Variants in CDH9 observed in about 807,000 individuals in gnomAD.
CDH9 encodes the protein cadherin-9.
Under a neutral mutation model 70.9 loss-of-function variants are expected in CDH9, and 28 were observed. The observed-to-expected ratio is 0.40, with a 90% CI of 0.29 to 0.54. The LOEUF is 0.54. Among genes scored for constraint, CDH9 ranks in the 20% least tolerant of loss-of-function variants. CDH9 has a pLI of 0.59. For synonymous variants in CDH9, 409 were observed against 343.1 expected (o/e 1.19, Z -2.12); for missense variants, 874 against 984.4 (o/e 0.89, Z 1.50).
At chr5:27,028,054 T>C (rs918470081) in intron 1 of CDH9, among the ~76,000 whole-genome samples, 2 of 152,006 alleles carry the variant, frequency 1.3e-5, no homozygotes, top group Non-Finnish European at 2.9e-5. Context: ...ACTTTGACAT[T>C]ATAGGGCAGT....
intron 1 of CDH9, among the ~76,000 whole-genome samples, chr5:27,017,031 GTTCTTTCTA>G (rs1246366905): frequency 6.6e-6 from 1 of 151,828 alleles, no homozygotes; most frequent in Non-Finnish European, 1.5e-5. Flanking sequence ...GCCCAAAACT[GTTCTTTCTA>G]TTCTTCTTTC....
intron 2 of CDH9, among the ~76,000 whole-genome samples, chr5:26,983,872 GC>G (rs932365001): frequency 8.6e-5 from 13 of 151,882 alleles, no homozygotes; most frequent in Non-Finnish European, 8.8e-5. Flanking sequence ...TACCTGAAAA[GC>G]TTAAGAAAAA....
chr5:27,019,669 C>T (rs1196555689), intron 1 of CDH9, among the ~76,000 whole-genome samples: 4 of 151,820 alleles, frequency 2.6e-5, no homozygotes, highest in Admixed American at 2.0e-4. Flanking sequence ...AGATAGTATT[C>T]AGCTCCCATT....
At chr5:26,965,357 C>A (rs1408073062) in intron 2 of CDH9, among the ~76,000 whole-genome samples, 2 of 151,990 alleles carry the variant, frequency 1.3e-5, no homozygotes, top group Non-Finnish European at 2.9e-5. Flanking sequence ...GGGCAGATTA[C>A]CTGAGGTCAG....
intron 2 of CDH9, among the ~76,000 whole-genome samples, chr5:26,972,469 GAGAAT>G (rs1378801668): frequency 4.6e-5 from 7 of 152,134 alleles, no homozygotes; most frequent in Admixed American, 3.3e-4. Context: ...ATCAAAATCT[GAGAAT>G]ACTCACGTTC....
chr5:26,928,759 T>C (rs923238219), intron 2 of CDH9, among the ~76,000 whole-genome samples: 3 of 151,862 alleles, frequency 2.0e-5, no homozygotes, highest in Admixed American at 6.6e-5. Flanking sequence ...GCCTTTTCAA[T>C]AAATAACGTT....
At chr5:26,917,505 C>T (rs1741169689) in intron 2 of CDH9, among the ~76,000 whole-genome samples, 1 of 151,914 alleles carries the variant, frequency 6.6e-6, no homozygotes, top group South Asian at 2.1e-4. Flanking sequence ...TACATCCTGC[C>T]CTCACCTATT....
chr5:27,029,472 G>A (rs1490067747), intron 1 of CDH9, among the ~76,000 whole-genome samples: 3 of 152,012 alleles, frequency 2.0e-5, no homozygotes, highest in Non-Finnish European at 4.4e-5. Context: ...CAGAGAGAGA[G>A]AAAGTTACAA....
At chr5:26,950,679 G>GA (rs1457563514) in intron 2 of CDH9, among the ~76,000 whole-genome samples, 14 of 152,032 alleles carry the variant, frequency 9.2e-5, no homozygotes, top group African/African-American at 3.4e-4. Context: ...AACATACATA[G>GA]AAAAAGAGAT....
chr5:26,890,484 G>C lies in CDH9; in HGVS notation c.1334C>G (p.Ala445Gly), dbSNP rs142357370. ...CCAAGGAGATGATTCCCGGTCAAGG[G>C]CTTTCAAAGTGAAAATAGAACCATT... is the stretch of plus-strand genomic sequence containing the variant. Reference protein sequence around the residue: ...SENGSIFTLKALDRESSPWHN... With the variant: ...SENGSIFTLKGLDRESSPWHN... The change falls in exon 8 of 12, where the codon GCC (alanine) becomes GGC (glycine). Residue 445 changes from alanine (A) to glycine (G), a missense_variant. Ala to Gly is a moderately conservative substitution (Grantham distance 60). Transcript: ENST00000231021. The C allele has an allele frequency of 2.2e-5, 36 of 1,612,308 alleles. No homozygotes were observed. The highest frequency in any genetic ancestry group is 2.6e-5 in the Non-Finnish European group (31 of 1,178,540).
intron 7 of CDH9, among the ~76,000 whole-genome samples, chr5:26,901,218 G>C: frequency 6.6e-6 from 1 of 151,846 alleles, no homozygotes; most frequent in East Asian, 1.9e-4. Flanking sequence ...TCAAAATGAT[G>C]TTAAACAATA....
rs1378858577 is a variant in CDH9, at chr5:26,994,806, C to A, written c.-49-6424G>T. On this transcript the variant is annotated intron_variant, in intron 1 of 11. Transcript: ENST00000231021. ...TGCTCCATATGTGCCAACTTGAAGA[C>A]CTCCTATGTGTTTTAAGCACTTGCC... 2.0e-5 allele frequency among the ~76,000 whole-genome samples: 3 copies of A among 152,204 alleles called. No homozygotes were observed. The East Asian group carries it at 5.8e-4, about 29-fold the overall frequency.
chr5:26,888,286 T>C (rs1740598569), intron 9 of CDH9, among the ~76,000 whole-genome samples: 1 of 152,124 alleles, frequency 6.6e-6, no homozygotes, highest in African/African-American at 2.4e-5. Flanking sequence ...TATTTATAGA[T>C]ACAATTTAAT....
chr5:26,990,247 G>T (rs927995347), intron 1 of CDH9, among the ~76,000 whole-genome samples: 2 of 152,142 alleles, frequency 1.3e-5, no homozygotes, highest in African/African-American at 4.8e-5. Flanking sequence ...ATGGTAATTG[G>T]CAGGTGGTAT....
intron 2 of CDH9, among the ~76,000 whole-genome samples, chr5:26,987,194 T>C (rs1046115772): frequency 6.6e-6 from 1 of 150,654 alleles, no homozygotes; most frequent in East Asian, 2.0e-4. Context: ...TCTCTCCAAG[T>C]ACATATATGC....
At chr5:26,969,059 C>T (rs188563831) in intron 2 of CDH9, among the ~76,000 whole-genome samples, 33 of 152,228 alleles carry the variant, frequency 2.2e-4, no homozygotes, top group Admixed American at 9.8e-4. Context: ...TCAGAAAGAT[C>T]CTCATATCAT....
At chr5:26,943,431 T>C (rs1256666056) in intron 2 of CDH9, among the ~76,000 whole-genome samples, 1 of 151,388 alleles carries the variant, frequency 6.6e-6, no homozygotes, top group Non-Finnish European at 1.5e-5. Context: ...GAGAATCGCT[T>C]GAACCTGGGA....
At chr5:26,961,118 T>C (rs1742027758) in intron 2 of CDH9, among the ~76,000 whole-genome samples, 1 of 151,908 alleles carries the variant, frequency 6.6e-6, no homozygotes, top group Non-Finnish European at 1.5e-5. Context: ...TCATTAATTT[T>C]ATTTCCTATG....
At chr5:27,021,110 G>A (rs1269970919) in intron 1 of CDH9, among the ~76,000 whole-genome samples, 1 of 151,718 alleles carries the variant, frequency 6.6e-6, no homozygotes, top group Non-Finnish European at 1.5e-5. Flanking sequence ...TAAAATGCCA[G>A]TAGAAATGAA....
Sources: gnomAD v4.1 joint callset for allele counts (sites outside exome capture counted in the v4.1 genomes callset) on GRCh38, gnomAD v4.1.1 for gene constraint, MANE v1.5 for transcripts, NCBI Gene and HGNC (gene_info 2026-07-23, HGNC 2026-07-21) for gene names.